The following LTBP1 variants were observed in gnomAD, a reference collection of about 807,000 sequenced individuals.
LTBP1 encodes latent-transforming growth factor beta-binding protein 1.
Under a neutral mutation model 207.6 loss-of-function variants are expected in LTBP1, and 129 were observed. That is an observed-to-expected ratio of 0.62 (90% confidence interval 0.54 to 0.72). The LOEUF (loss-of-function observed/expected upper bound fraction) is 0.72, where lower values mean the gene tolerates loss of function less well. LTBP1 is among the 30% of genes least tolerant of loss of function. LTBP1 has a pLI of 0.00. For synonymous variants in LTBP1, 963 were observed against 833.7 expected (o/e 1.16, Z -2.67); for missense variants, 2,281 against 2,217.2 (o/e 1.03, Z -0.58).
At chr2:33,140,648 A>G (rs1331580885) in intron 5 of LTBP1, among the ~76,000 whole-genome samples, 1 of 148,418 alleles carries the variant, frequency 6.7e-6, no homozygotes, top group Non-Finnish European at 1.5e-5. Flanking sequence ...CCTTTTATTT[A>G]TTTATTTTAT....
chr2:33,206,718 G>A (rs1463761217), intron 7 of LTBP1, among the ~76,000 whole-genome samples: 2 of 144,660 alleles, frequency 1.4e-5, no homozygotes, highest in South Asian at 2.1e-4. Context: ...CAGCCTGGGC[G>A]ACAGAGCAAG....
intron 8 of LTBP1, among the ~76,000 whole-genome samples, chr2:33,220,224 C>T (rs2091011651): frequency 6.6e-6 from 1 of 152,192 alleles, no homozygotes; most frequent in Non-Finnish European, 1.5e-5. Flanking sequence ...CTTCCTGTGT[C>T]ATTTAAAAAG....
chr2:33,269,595 A>C (rs1368735136), intron 15 of LTBP1, among the ~76,000 whole-genome samples: 2 of 152,190 alleles, frequency 1.3e-5, no homozygotes, highest in African/African-American at 2.4e-5. Context: ...AGTGCTGTCT[A>C]TGTGAGGCTT....
intron 20 of LTBP1, among the ~76,000 whole-genome samples, chr2:33,300,101 T>C (rs567870302): frequency 6.6e-5 from 10 of 152,362 alleles, no homozygotes; most frequent in African/African-American, 2.4e-4. Flanking sequence ...TTCATGCAAC[T>C]AAACAGGTCT....
At chr2:33,074,451 A>G (rs1257471956) in intron 3 of LTBP1, among the ~76,000 whole-genome samples, 1 of 152,174 alleles carries the variant, frequency 6.6e-6, no homozygotes, top group Non-Finnish European at 1.5e-5. Flanking sequence ...AAGGGTCAAA[A>G]AAAGGCCGGG....
At position 33,110,639 on chromosome 2, in the gene LTBP1, C is replaced by T. The variant is rs752193704; in HGVS notation, c.921C>T (p.Tyr307=). The T allele has an allele frequency of 8.6e-5, 139 of 1,614,032 alleles. No homozygotes were observed. Among genetic ancestry groups the T allele is most frequent in the Non-Finnish European group, 1.1e-4 (131 of 1,180,004 alleles). ...TTCACCATGGCCAGACCCAGGAATACGTGCTCAAGCCCAAGTACTTTCCAG... is the reference window on the plus strand; with the variant it reads ...TTCACCATGGCCAGACCCAGGAATATGTGCTCAAGCCCAAGTACTTTCCAG... ...VVIHHGQTQE[Y]VLKPKYFPAQ... Residue 307 remains tyrosine, a synonymous_variant, in exon 4 of 34, where the codon TAC becomes TAT. Coordinates refer to ENST00000404816, the MANE Select transcript of LTBP1 (RefSeq NM_206943.4).
At chr2:32,955,630 A>T (rs372257816) in intron 2 of LTBP1, among the ~76,000 whole-genome samples, 2 of 151,668 alleles carry the variant, frequency 1.3e-5, no homozygotes, top group African/African-American at 2.4e-5. Flanking sequence ...TTTTCCACAA[A>T]TTTTTTTTAA....
In LTBP1 at chr2:33,358,614, C is replaced by T. The variant is rs139058687; in HGVS notation, c.4001-1983C>T. Among the ~76,000 whole-genome samples, 662 of 152,136 alleles carry T rather than the reference C, an allele frequency of 4.4e-3. 4 individuals are homozygous for T. Among genetic ancestry groups the T allele is most frequent in the African/African-American group, 0.015 (630 of 41,524 alleles). ...AACTTTGTACATGAGGGAAAAAAATCTGAGGCTTCTTTTAGCACAAACCAT... is the reference window on the plus strand; with the variant it reads ...AACTTTGTACATGAGGGAAAAAAATTTGAGGCTTCTTTTAGCACAAACCAT... On this transcript the variant is annotated intron_variant, in intron 26 of 33. Coordinates refer to ENST00000404816, the MANE Select transcript of LTBP1 (RefSeq NM_206943.4).
intron 3 of LTBP1, among the ~76,000 whole-genome samples, chr2:33,028,092 G>C (rs2075516446): frequency 6.6e-6 from 1 of 152,154 alleles, no homozygotes; most frequent in African/African-American, 2.4e-5. Flanking sequence ...CTGAGACTGA[G>C]TTCGGAAGAA....
chr2:33,127,823 A>G (rs891006443), intron 4 of LTBP1, among the ~76,000 whole-genome samples: 2 of 152,166 alleles, frequency 1.3e-5, no homozygotes, highest in African/African-American at 2.4e-5. Context: ...GTGGGGAAGA[A>G]GAGGAAAAGG....
intron 2 of LTBP1, among the ~76,000 whole-genome samples, chr2:32,966,031 T>A (rs895415307): frequency 6.6e-6 from 1 of 152,202 alleles, no homozygotes; most frequent in African/African-American, 2.4e-5. Flanking sequence ...GCCATTCTAA[T>A]AGTTATGTAG....
At chr2:33,231,644 A>T (rs1035162043) in intron 9 of LTBP1, among the ~76,000 whole-genome samples, 1 of 152,190 alleles carries the variant, frequency 6.6e-6, no homozygotes. Flanking sequence ...CCCTAGATAA[A>T]TGAGCACTAG....
chr2:32,952,103 A>G (rs1252962939), intron 2 of LTBP1, among the ~76,000 whole-genome samples: 1 of 152,216 alleles, frequency 6.6e-6, no homozygotes, highest in Non-Finnish European at 1.5e-5. Flanking sequence ...GGAAGTGTTC[A>G]TGTTGTTCAG....
chr2:33,149,241 A>C (rs867813132), intron 5 of LTBP1, among the ~76,000 whole-genome samples: 55 of 144,432 alleles, frequency 3.8e-4, no homozygotes, highest in East Asian at 6.2e-4. Flanking sequence ...AAAAAAAAAA[A>C]AAAAAAAAAA....
chr2:33,230,862 C>T (rs1180463840), intron 9 of LTBP1, among the ~76,000 whole-genome samples: 1 of 152,196 alleles, frequency 6.6e-6, no homozygotes, highest in Non-Finnish European at 1.5e-5. Flanking sequence ...AGGATAAAAT[C>T]AACTTAGTAT....
chr2:33,238,559 G>GC (rs1260769510), intron 9 of LTBP1, among the ~76,000 whole-genome samples: 1 of 152,126 alleles, frequency 6.6e-6, no homozygotes, highest in Non-Finnish European at 1.5e-5. Context: ...ATATAGTTCA[G>GC]CCCCTCTGTG....
At chr2:33,132,606 C>T (rs2081878073) in intron 4 of LTBP1, among the ~76,000 whole-genome samples, 1 of 152,186 alleles carries the variant, frequency 6.6e-6, no homozygotes, top group African/African-American at 2.4e-5. Flanking sequence ...TAGTAGCATC[C>T]TATTGGATGT....
intron 5 of LTBP1, among the ~76,000 whole-genome samples, chr2:33,146,185 A>G (rs1475278484): frequency 6.6e-6 from 1 of 152,220 alleles, no homozygotes; most frequent in Non-Finnish European, 1.5e-5. Flanking sequence ...TTGAAATTTG[A>G]TCTGCTGCAG....
chr2:33,369,670 A>G (rs13424241), intron 31 of LTBP1, among the ~76,000 whole-genome samples: 55,519 of 151,868 alleles, frequency 0.37, 11,905 homozygotes, highest in African/African-American at 0.61. Flanking sequence ...AGATTCTCCC[A>G]CCTATTACAG....
Sources: allele counts gnomAD v4.1 joint callset (sites outside exome capture counted in the v4.1 genomes callset), GRCh38; gene constraint gnomAD v4.1.1; transcripts MANE v1.5; gene names NCBI Gene and HGNC (gene_info 2026-07-23, HGNC 2026-07-21).